Variants in SYF2 observed in about 807,000 individuals in gnomAD.
SYF2 encodes SYF2 pre-mRNA splicing factor, also known as pre-mRNA-splicing factor SYF2.
A neutral mutation model predicts 32.7 loss-of-function variants in SYF2; 21 were observed. That is an observed-to-expected ratio of 0.64 (90% CI 0.45 to 0.92). The LOEUF is 0.92. Ranked by LOEUF, SYF2 falls within the 40% of genes least tolerant of loss-of-function variation. The pLI is 0.00. For missense variants in SYF2, 278 were observed against 296.5 expected, an observed-to-expected ratio of 0.94 and a Z score of 0.46; for synonymous variants, 114 against 103.9, an observed-to-expected ratio of 1.10 and a Z score of -0.59.
intron 4 of SYF2, among the ~76,000 whole-genome samples, 173 bp downstream of exon 4, chr1:25,227,945 C>T (rs538848934): frequency 3.9e-5 from 6 of 152,250 alleles, no homozygotes; most frequent in Admixed American, 2.0e-4. Flanking sequence ...AACTGAAGTA[C>T]AGCCTTTTTT....
intron 1 of SYF2, 71 bp from the exon 2 acceptor site, chr1:25,232,282 C>T (rs993529712): frequency 5.7e-6 from 9 of 1,578,210 alleles, no homozygotes; most frequent in Non-Finnish European, 7.8e-6. Flanking sequence ...GCCGAGTCCC[C>T]GCCGGTCCCC....
At chr1:25,227,832 G>A (rs1393631214) in intron 4 of SYF2, among the ~76,000 whole-genome samples, 1 of 152,186 alleles carries the variant, frequency 6.6e-6, no homozygotes, top group Non-Finnish European at 1.5e-5. Context: ...TCTGTGTGAA[G>A]TAATATATGC....
intron 2 of SYF2, 127 bp downstream of exon 2, chr1:25,231,977 C>A: frequency 1.1e-6 from 1 of 950,858 alleles, no homozygotes; most frequent in Non-Finnish European, 1.7e-6. Context: ...CCGAACAGAG[C>A]TTTCCTCTCA....
In SYF2 at chr1:25,227,043, G is replaced by A. The variant is rs186234253; in HGVS notation, c.467+399C>T. On this transcript the variant is annotated intron_variant, in intron 5 of 6. Transcript: ENST00000236273. ...CACGCCTGTAATCCCAGCACTTTGGGAGGCTGAGGTGGACGGATCACTTGA... is the reference window on the plus strand; with the variant it reads ...CACGCCTGTAATCCCAGCACTTTGGAAGGCTGAGGTGGACGGATCACTTGA... Among the ~76,000 whole-genome samples the A allele has an allele frequency of 2.4e-3, 370 of 152,148 alleles. 2 individuals carry two copies. Among genetic ancestry groups the A allele is most frequent in the African/African-American group, 8.6e-3 (359 of 41,516 alleles).
rs1422747910 is a variant in SYF2 at position 25,227,557 on chromosome 1, C to T, written c.377-25G>A. 6 of 1,597,680 alleles carry T rather than the reference C, an allele frequency of 3.8e-6. No homozygotes were observed. The African/African-American group carries it at 5.4e-5, about 14-fold the overall frequency. ...TCTAAAAATATAAAATGAGAATCAGCGATAATATATTTCCTTGTTTGGACC... is the reference window on the plus strand; with the variant it reads ...TCTAAAAATATAAAATGAGAATCAGTGATAATATATTTCCTTGTTTGGACC... On this transcript the variant is annotated intron_variant, in intron 4 of 6. Coordinates refer to ENST00000236273, the MANE Select transcript of SYF2 (RefSeq NM_015484.5).
chr1:25,232,159 GCCAGCTCCGCCGCCGCAGCGAGGGAC>G lies in SYF2; in HGVS notation c.51_76del (p.Ser18ArgfsTer20). On this transcript the variant is annotated frameshift_variant, in exon 2 of 7. Coordinates refer to ENST00000236273, the MANE Select transcript of SYF2 (RefSeq NM_015484.5). LOFTEE classifies it high-confidence loss of function. Reference sequence around the variant, plus strand: ...CAGTCTCTGTTCGCGCTTCTGAGCGGCCAGCTCCGCCGCCGCAGCGAGGGACCCCTCCTCCGCGCTGTCCACCAGCA... The same window carrying G: ...CAGTCTCTGTTCGCGCTTCTGAGCGGCCCTCCTCCGCGCTGTCCACCAGCA... The G allele has an allele frequency of 6.2e-7, 1 of 1,613,800 alleles. No homozygotes were observed. The highest frequency in any genetic ancestry group is 8.5e-7 in the Non-Finnish European group (1 of 1,179,978).
At chr1:25,223,516 C>G in intron 6 of SYF2, 85 bp from the exon 7 acceptor site, 2 of 1,364,078 alleles carry the variant, frequency 1.5e-6, no homozygotes, top group African/African-American at 1.4e-5. Context: ...AATATAATCA[C>G]GTTTAGAATA....
Position 25,228,986 on chromosome 1 carries a change from A to C in SYF2, c.258+12T>G. On this transcript the variant is annotated intron_variant, in intron 3 of 6. Coordinates refer to ENST00000236273, the MANE Select transcript of SYF2 (RefSeq NM_015484.5). ...TGACTAAATCACTTATGAAGATAGA[A>C]TAGTTCCTAACCTTTTTCTTTTCCT... The C allele has an allele frequency of 6.2e-7, 1 of 1,610,336 alleles. No homozygotes were observed. The highest frequency in any genetic ancestry group is 2.2e-5 in the East Asian group (1 of 44,850).
chr1:25,232,389 C>G, intron 1 of SYF2, 55 bp downstream of exon 1: 2 of 1,613,932 alleles, frequency 1.2e-6, no homozygotes, highest in Non-Finnish European at 1.7e-6. Context: ...CTCTCCAGGC[C>G]GCTCCCCGGA....
Position 25,229,143 on chromosome 1 carries a change from A to C in SYF2, c.133-20T>G. ...TTCATTCTAAAACCGTAACACAAGA[A>C]GTCTGTCAGCTAAAACATGAAAATA... On this transcript the variant is annotated intron_variant, in intron 2 of 6. Transcript: ENST00000236273. The C allele has an allele frequency of 6.2e-7, 1 of 1,607,390 alleles. No homozygotes were observed. Among genetic ancestry groups the C allele is most frequent in the Non-Finnish European group, 8.5e-7 (1 of 1,177,902 alleles).
chr1:25,226,847 G>C (rs1638518497), intron 5 of SYF2, among the ~76,000 whole-genome samples: 3 of 152,094 alleles, frequency 2.0e-5, no homozygotes, highest in African/African-American at 7.2e-5. Context: ...CAGGAATCGT[G>C]GCACATGTCT....
chr1:25,227,470 CCATGT>C lies in SYF2; in HGVS notation c.434_438del (p.Asp145GlyfsTer4). 1 of 1,613,682 alleles carries C rather than the reference CCATGT, an allele frequency of 6.2e-7. No homozygotes were observed. On this transcript the variant is annotated frameshift_variant, in exon 5 of 7. Coordinates refer to ENST00000236273, the MANE Select transcript of SYF2 (RefSeq NM_015484.5). LOFTEE classifies it high-confidence loss of function. ...TTTTCTCTCAGTCTCTCATATGTTT[CCATGT>C]CAGGTTTGATCTGCTTGGTCAACCG...
intron 5 of SYF2, among the ~76,000 whole-genome samples, chr1:25,225,848 ACT>A (rs1227492075): frequency 1.4e-5 from 2 of 147,632 alleles, no homozygotes; most frequent in African/African-American, 5.1e-5. Context: ...ACAGTGCAAG[ACT>A]CTGTCTCAAA....
chr1:25,227,623 T>A, intron 4 of SYF2, 91 bp from the exon 5 acceptor site: 1 of 1,155,894 alleles, frequency 8.7e-7, no homozygotes, highest in Non-Finnish European at 1.2e-6. Flanking sequence ...CAGGTGAGTA[T>A]CTTTTATCCA....
intron 1 of SYF2, 30 bp from the exon 2 acceptor site, chr1:25,232,241 A>T: frequency 3.1e-6 from 5 of 1,599,464 alleles, no homozygotes; most frequent in Non-Finnish European, 4.3e-6. Context: ...CTTCAGGCAG[A>T]GCCGGCTCAG....
chr1:25,231,072 C>G (rs1258924266), intron 2 of SYF2: 1 of 152,296 alleles, frequency 6.6e-6, no homozygotes, highest in African/African-American at 2.4e-5. Flanking sequence ...TCCCAAAGTG[C>G]TGGGATTACA....
At position 25,232,169 on chromosome 1, in the gene SYF2, C is replaced by T. The variant is rs1287022342; in HGVS notation, c.67G>A (p.Ala23Thr). Residue 23 changes from alanine to threonine, a missense_variant, in exon 2 of 7, where the codon GCG (alanine) becomes ACG (threonine). Transcript: ENST00000236273. ...SAEEGSLAAA[A>T]ELAAQKREQR... The stretch of plus-strand genomic sequence containing the variant: ...TCGCGCTTCTGAGCGGCCAGCTCCG[C>T]CGCCGCAGCGAGGGACCCCTCCTCC... The T allele has an allele frequency of 6.2e-7, 1 of 1,613,992 alleles. No homozygotes were observed. The highest frequency in any genetic ancestry group is 1.1e-5 in the South Asian group (1 of 91,074).
At chr1:25,226,629 A>C (rs1324169588) in intron 5 of SYF2, among the ~76,000 whole-genome samples, 1 of 152,256 alleles carries the variant, frequency 6.6e-6, no homozygotes, top group East Asian at 1.9e-4. Flanking sequence ...CCAGTTAAGA[A>C]CAAAACAAAA....
intron 6 of SYF2, among the ~76,000 whole-genome samples, chr1:25,224,557 C>T (rs1174808703): frequency 1.3e-5 from 2 of 152,156 alleles, no homozygotes; most frequent in African/African-American, 4.8e-5. Flanking sequence ...CACGCCCAGC[C>T]CAGACACTAT....
Sources: allele counts gnomAD v4.1 joint callset (sites outside exome capture counted in the v4.1 genomes callset), GRCh38; gene constraint gnomAD v4.1.1; transcripts MANE v1.5; gene names NCBI Gene and HGNC (gene_info 2026-07-23, HGNC 2026-07-21).